Variants in PPP5C observed in about 807,000 individuals in gnomAD.
The protein encoded by PPP5C is protein phosphatase 5 catalytic subunit.
In PPP5C, 21 loss-of-function variants were observed where a neutral mutation model predicts 66.7. The observed-to-expected ratio is 0.31, with a 90% CI of 0.22 to 0.45. The LOEUF (loss-of-function observed/expected upper bound fraction) is 0.45. Ranked by LOEUF, PPP5C falls within the 20% of genes least tolerant of loss-of-function variation. The pLI is 1.00. For missense variants in PPP5C, 464 were observed against 675.9 expected, an observed-to-expected ratio of 0.69 and a Z score of 3.48; for synonymous variants, 246 against 257.4, an observed-to-expected ratio of 0.96 and a Z score of 0.43.
At chr19:46,371,572 G>T (rs1364295498) in intron 2 of PPP5C, among the ~76,000 whole-genome samples, 1 of 152,160 alleles carries the variant, frequency 6.6e-6, no homozygotes, top group African/African-American at 2.4e-5. Context: ...CCAGAGTCAG[G>T]CCATAAGCAG....
intron 1 of PPP5C, among the ~76,000 whole-genome samples, chr19:46,353,313 ACC>A (rs1972223509): frequency 6.6e-6 from 1 of 151,984 alleles, no homozygotes; most frequent in Non-Finnish European, 1.5e-5. Context: ...CAGTGTCCAG[ACC>A]TCACTGTGGC....
At chr19:46,373,747 G>A (rs947402614) in intron 2 of PPP5C, among the ~76,000 whole-genome samples, 2 of 152,192 alleles carry the variant, frequency 1.3e-5, no homozygotes, top group African/African-American at 4.8e-5. Context: ...GGACAGACCG[G>A]TTCCGAACCA....
At position 46,375,160 on chromosome 19, in the gene PPP5C, G is replaced by A. The variant is rs189704278; in HGVS notation, c.364-444G>A. Reference sequence around the variant, plus strand: ...AACCTGGGCTTGGGGAGTCCATGTCGTCCAGCAAGTCATTGGCCCTTTGTG... The same window carrying A: ...AACCTGGGCTTGGGGAGTCCATGTCATCCAGCAAGTCATTGGCCCTTTGTG... On this transcript the variant is annotated intron_variant, in intron 2 of 12. Transcript: ENST00000012443. Among the ~76,000 whole-genome samples, 6 of 152,242 alleles carry A rather than the reference G, an allele frequency of 3.9e-5. No homozygotes were observed. The East Asian group carries it at 7.7e-4, about 20-fold the overall frequency.
chr19:46,366,262 G>T (rs890803533), intron 2 of PPP5C, among the ~76,000 whole-genome samples: 4 of 152,102 alleles, frequency 2.6e-5, no homozygotes, highest in Non-Finnish European at 5.9e-5. Flanking sequence ...GAGTTTATTT[G>T]GGCCAGGGTT....
intron 12 of PPP5C, 31 bp from the exon 13 acceptor site, chr19:46,390,253 T>C: frequency 6.3e-7 from 1 of 1,596,392 alleles, no homozygotes; most frequent in Non-Finnish European, 8.5e-7. Flanking sequence ...TGTTCTGACT[T>C]CTGTCCATCC....
Position 46,388,670 on chromosome 19 carries a change from G to A in PPP5C, c.1294G>A (p.Glu432Lys), listed in dbSNP as rs765309737. Residue 432 changes from glutamate to lysine, a missense_variant, in exon 11 of 13, where the codon GAG (glutamate) becomes AAG (lysine). Transcript: ENST00000012443. The surrounding 1 kb of genome is among the most constrained non-coding windows in gnomAD (Gnocchi z 4.9). ...YIIRSHEVKAEGYEVAHGGRC... is the reference protein window; with the variant it reads ...YIIRSHEVKAKGYEVAHGGRC... ...CATCCGCAGCCACGAAGTCAAGGCC[G>A]AGGGCTACGAGGTGGCTCACGGAGG... 13 of 1,614,062 alleles carry A rather than the reference G, an allele frequency of 8.1e-6. No individual in the cohort carries two copies. The highest frequency in any genetic ancestry group is 2.7e-5 in the African/African-American group (2 of 74,926).
chr19:46,388,391 C>A lies in PPP5C; in HGVS notation c.1136-17C>A. 1 of 1,607,396 alleles carries A rather than the reference C, an allele frequency of 6.2e-7. No homozygotes were observed. The highest frequency in any genetic ancestry group is 8.5e-7 in the Non-Finnish European group (1 of 1,175,554). On this transcript the variant is annotated splice_polypyrimidine_tract_variant and intron_variant, in intron 9 of 12. Transcript: ENST00000012443. This position sits in a 1 kb window ranked among gnomAD's most constrained non-coding sequence, Gnocchi z 4.9. ...GGAGGTGGACGAGTCCCTAATGTTTCCCTCGCTCCCCACCAGGGCCCATGT... is the reference window on the plus strand; with the variant it reads ...GGAGGTGGACGAGTCCCTAATGTTTACCTCGCTCCCCACCAGGGCCCATGT...
intron 2 of PPP5C, among the ~76,000 whole-genome samples, chr19:46,374,776 C>A (rs907118967): frequency 3.9e-5 from 6 of 152,170 alleles, no homozygotes; most frequent in Admixed American, 1.3e-4. Context: ...AAGCATTCAC[C>A]CATGCAGCTC....
At chr19:46,380,900 AAT>A (rs1428155016) in intron 4 of PPP5C, among the ~76,000 whole-genome samples, 3 of 152,212 alleles carry the variant, frequency 2.0e-5, no homozygotes, top group Middle Eastern at 3.4e-3. Flanking sequence ...TCTGTGGGTT[AAT>A]ATCTTTCATT....
Position 46,388,480 on chromosome 19 carries a change from G to T in PPP5C, c.1176+32G>T. 6.2e-7 allele frequency: 1 copy of T among 1,610,618 alleles called. No individual in the cohort carries two copies. The highest frequency in any genetic ancestry group is 1.1e-5 in the South Asian group (1 of 90,894). On this transcript the variant is annotated intron_variant, in intron 10 of 12. Transcript: ENST00000012443. The surrounding 1 kb of genome is among the most constrained non-coding windows in gnomAD (Gnocchi z 4.9). ...CTAGGGTGGGGTGCAGGGCCGGCGG[G>T]TGTGGGCTGTGGCAGCAGGTGGAGG...
intron 7 of PPP5C, 147 bp from the exon 8 acceptor site, chr19:46,386,946 C>G (rs1972899387): frequency 9.0e-7 from 1 of 1,110,420 alleles, no homozygotes; most frequent in Non-Finnish European, 1.3e-6. Flanking sequence ...CCCTTGGTAC[C>G]TCCAGTCTGG....
chr19:46,376,613 G>A lies in PPP5C; in HGVS notation c.633+39G>A, dbSNP rs1257600615. 6.2e-7 allele frequency: 1 copy of A among 1,605,580 alleles called. No homozygotes were observed. Among genetic ancestry groups the A allele is most frequent in the Non-Finnish European group, 8.5e-7 (1 of 1,175,322 alleles). On this transcript the variant is annotated intron_variant, in intron 4 of 12. Coordinates refer to ENST00000012443, the MANE Select transcript of PPP5C (RefSeq NM_006247.4). The surrounding 1 kb of genome is among the most constrained non-coding windows in gnomAD (Gnocchi z 5.1). ...CAGGTACTGGGCACCCGGGAACCCT[G>A]GGATGGCATCACAGCACTGCCAGCC...
intron 2 of PPP5C, among the ~76,000 whole-genome samples, chr19:46,364,908 T>C (rs1435814780): frequency 5.8e-5 from 8 of 138,518 alleles, no homozygotes; most frequent in African/African-American, 2.1e-4. Flanking sequence ...TAAATCCAGC[T>C]GGTGTTTCGG....
chr19:46,389,367 ACACACACACACACACACACACACACACAC>A (rs1568579822), intron 11 of PPP5C, among the ~76,000 whole-genome samples: 22 of 2,176 alleles, frequency 0.01, no homozygotes, highest in African/African-American at 0.013. Flanking sequence ...CTCAAAACAC[ACACACACACACACACACACACACACACAC>A]ACACACACAC....
chr19:46,361,200 A>G (rs6509262), intron 2 of PPP5C, among the ~76,000 whole-genome samples: 77,181 of 143,360 alleles, frequency 0.54, 20,707 homozygotes, highest in South Asian at 0.73. Context: ...TGCAATCTCC[A>G]CTCGCTGCAA....
chr19:46,373,660 G>A (rs1261856503), intron 2 of PPP5C, among the ~76,000 whole-genome samples: 1 of 152,182 alleles, frequency 6.6e-6, no homozygotes, highest in African/African-American at 2.4e-5. Context: ...GGGGGGAAGG[G>A]AAATTCATTG....
chr19:46,353,441 C>T (rs1972226381), intron 1 of PPP5C, among the ~76,000 whole-genome samples: 1 of 147,710 alleles, frequency 6.8e-6, no homozygotes, highest in South Asian at 2.2e-4. Flanking sequence ...TCAACCACCT[C>T]TGGGCCTCTG....
At chr19:46,386,721 T>C in intron 7 of PPP5C, 1 of 292,752 alleles carries the variant, frequency 3.4e-6, no homozygotes, top group Admixed American at 4.2e-5. Flanking sequence ...CAAGTGATCC[T>C]CTGGCCTCAG....
chr19:46,355,899 G>T (rs1243613915), intron 2 of PPP5C, among the ~76,000 whole-genome samples: 1 of 152,116 alleles, frequency 6.6e-6, no homozygotes, highest in Non-Finnish European at 1.5e-5. Flanking sequence ...TTCATCTCGT[G>T]TGGGGCTGCA....
Sources: gnomAD v4.1 joint callset for allele counts (sites outside exome capture counted in the v4.1 genomes callset) on GRCh38, gnomAD v4.1.1 for gene constraint, Gnocchi (gnomAD v3.1) non-coding constraint, MANE v1.5 for transcripts, NCBI Gene and HGNC (gene_info 2026-07-23, HGNC 2026-07-21) for gene names.